The following PPP3CA variants were observed in gnomAD, a reference collection of about 807,000 sequenced individuals.
PPP3CA encodes protein phosphatase 3 catalytic subunit alpha, also known as CAM-PRP catalytic subunit.
In PPP3CA, 14 loss-of-function variants were observed where a neutral mutation model predicts 66.5. The ratio of observed to expected loss-of-function variants is 0.21; its 90% CI spans 0.14 to 0.33. The LOEUF (loss-of-function observed/expected upper bound fraction) is 0.33. Among genes scored for constraint, PPP3CA ranks in the 10% least tolerant of loss-of-function variants. PPP3CA has a pLI of 1.00. For missense variants in PPP3CA, 317 were observed against 639.5 expected, an observed-to-expected ratio of 0.50 and a Z score of 5.44; for synonymous variants, 232 against 226.2, an observed-to-expected ratio of 1.03 and a Z score of -0.23.
chr4:101,113,069 A>C (rs191093464), intron 2 of PPP3CA, among the ~76,000 whole-genome samples: 25 of 152,172 alleles, frequency 1.6e-4, no homozygotes, highest in Non-Finnish European at 2.4e-4. Flanking sequence ...GATGGAAACC[A>C]AAGGCCTTCA....
At chr4:101,292,285 T>C (rs1443904547) in intron 1 of PPP3CA, among the ~76,000 whole-genome samples, 2 of 152,196 alleles carry the variant, frequency 1.3e-5, no homozygotes, top group East Asian at 3.9e-4. Context: ...AATATGGGTG[T>C]TTTGTACTCA....
intron 1 of PPP3CA, among the ~76,000 whole-genome samples, chr4:101,219,251 G>C (rs1725549785): frequency 6.6e-6 from 1 of 151,876 alleles, no homozygotes; most frequent in Non-Finnish European, 1.5e-5. Flanking sequence ...CTACTTAATA[G>C]TTAACAGATT....
At chr4:101,037,252 G>A (rs923633404) in intron 11 of PPP3CA, among the ~76,000 whole-genome samples, 2 of 152,146 alleles carry the variant, frequency 1.3e-5, no homozygotes, top group African/African-American at 4.8e-5. Context: ...GACAATTGTT[G>A]TCCTGCCTTG....
At chr4:101,302,229 C>A (rs1031034) in intron 1 of PPP3CA, among the ~76,000 whole-genome samples, 45,084 of 152,008 alleles carry the variant, frequency 0.3, 7,168 homozygotes, top group East Asian at 0.5. Flanking sequence ...CATCAAGCAT[C>A]AGCTCCCTCA....
At chr4:101,123,378 C>T (rs180754316) in intron 2 of PPP3CA, among the ~76,000 whole-genome samples, 18 of 152,028 alleles carry the variant, frequency 1.2e-4, no homozygotes. Context: ...GGTACTTAAG[C>T]GGAAACTTGA....
intron 3 of PPP3CA, among the ~76,000 whole-genome samples, chr4:101,101,839 T>C (rs1730457215): frequency 6.6e-6 from 1 of 152,188 alleles, no homozygotes; most frequent in South Asian, 2.1e-4. Context: ...TAGATTAGTT[T>C]TGCCTGTAAC....
intron 1 of PPP3CA, among the ~76,000 whole-genome samples, chr4:101,279,042 AG>A (rs1407267972): frequency 6.6e-6 from 1 of 152,236 alleles, no homozygotes; most frequent in Non-Finnish European, 1.5e-5. Context: ...CATCAGACTT[AG>A]AAGCATAAAA....
At chr4:101,220,304 T>TC (rs1378078322) in intron 1 of PPP3CA, among the ~76,000 whole-genome samples, 1 of 151,144 alleles carries the variant, frequency 6.6e-6, no homozygotes, top group Non-Finnish European at 1.5e-5. Flanking sequence ...AGCACGTTTT[T>TC]TTTTTTATTT....
At chr4:101,130,719 C>T (rs1346161335) in intron 2 of PPP3CA, among the ~76,000 whole-genome samples, 1 of 152,146 alleles carries the variant, frequency 6.6e-6, no homozygotes, top group Non-Finnish European at 1.5e-5. Flanking sequence ...CCAGGCCTGC[C>T]TTACAAGAGT....
intron 1 of PPP3CA, among the ~76,000 whole-genome samples, chr4:101,225,624 A>G (rs1350967963): frequency 6.6e-6 from 1 of 151,836 alleles, no homozygotes; most frequent in Non-Finnish European, 1.5e-5. Flanking sequence ...ATGTTTAAGG[A>G]TAGTTCTAAA....
chr4:101,049,671 G>C (rs1727925131), intron 10 of PPP3CA, among the ~76,000 whole-genome samples: 2 of 151,654 alleles, frequency 1.3e-5, no homozygotes, highest in Non-Finnish European at 2.9e-5. Context: ...ACTTAATTCT[G>C]GGCCCATATG....
At chr4:101,112,293 T>G (rs562336937) in intron 2 of PPP3CA, among the ~76,000 whole-genome samples, 57 of 152,278 alleles carry the variant, frequency 3.7e-4, no homozygotes, top group Non-Finnish European at 2.1e-4. Context: ...AAAAACAAAA[T>G]TAATCTCTTC....
intron 7 of PPP3CA, among the ~76,000 whole-genome samples, chr4:101,082,973 G>C (rs77161209): frequency 0.012 from 1,832 of 152,272 alleles, 17 homozygotes; most frequent in Non-Finnish European, 0.019. Context: ...GGCTAAAGAT[G>C]TAAGAACTTT....
chr4:101,115,008 A>G (rs573366325), intron 2 of PPP3CA, among the ~76,000 whole-genome samples: 76 of 152,170 alleles, frequency 5.0e-4, no homozygotes, highest in Middle Eastern at 3.4e-3. Flanking sequence ...GCCACCCACC[A>G]CAAAGGAGGA....
intron 2 of PPP3CA, among the ~76,000 whole-genome samples, chr4:101,114,491 T>A (rs1352018927): frequency 1.3e-5 from 2 of 152,088 alleles, no homozygotes; most frequent in African/African-American, 4.8e-5. Flanking sequence ...TCTAATATAA[T>A]CTATCTTGGT....
intron 1 of PPP3CA, among the ~76,000 whole-genome samples, chr4:101,345,945 G>A (rs1729970764): frequency 6.6e-6 from 1 of 152,226 alleles, no homozygotes; most frequent in African/African-American, 2.4e-5. Flanking sequence ...CAGGTCGGCG[G>A]GGGACAGCCG....
Position 101,029,201 on chromosome 4 carries a change from G to T in PPP3CA, c.1340-6C>A. Reference sequence around the variant, plus strand: ...CTCAATAGCCTCAACAGTAGCTGAAGAGAAGAAAGGGGGTGCAAAATGAAT... The same window carrying T: ...CTCAATAGCCTCAACAGTAGCTGAATAGAAGAAAGGGGGTGCAAAATGAAT... On this transcript the variant is annotated splice_region_variant and splice_polypyrimidine_tract_variant and intron_variant, in intron 12 of 13. Coordinates refer to ENST00000394854, the MANE Select transcript of PPP3CA (RefSeq NM_000944.5). 6.2e-7 allele frequency: 1 copy of T among 1,607,596 alleles called. No homozygotes were observed. Among genetic ancestry groups the T allele is most frequent in the South Asian group, 1.1e-5 (1 of 90,926 alleles).
chr4:101,097,973 A>C (rs2110253250), intron 5 of PPP3CA, among the ~76,000 whole-genome samples: 1 of 152,346 alleles, frequency 6.6e-6, no homozygotes, highest in South Asian at 2.1e-4. Flanking sequence ...AAAAACCATA[A>C]AATGAGCACA....
At chr4:101,102,133 G>T (rs1048848130) in intron 3 of PPP3CA, among the ~76,000 whole-genome samples, 59 of 152,036 alleles carry the variant, frequency 3.9e-4, no homozygotes, top group African/African-American at 1.3e-3. Flanking sequence ...CAACATACAT[G>T]TAATATCCCT....
Sources: gnomAD v4.1 joint callset for allele counts (sites outside exome capture counted in the v4.1 genomes callset) on GRCh38, gnomAD v4.1.1 for gene constraint, MANE v1.5 for transcripts, NCBI Gene and HGNC (gene_info 2026-07-23, HGNC 2026-07-21) for gene names.